TREM1: variants seen among roughly 807,000 people sequenced by gnomAD.
TREM1 encodes the protein triggering receptor expressed on monocytes 1.
In TREM1, 16 loss-of-function variants were observed where a neutral mutation model predicts 22.4. The ratio of observed to expected loss-of-function variants is 0.71; its 90% confidence interval spans 0.48 to 1.08. TREM1 has a LOEUF of 1.08. TREM1 is among the 50% of genes least tolerant of loss of function. The probability of loss-of-function intolerance (pLI) is 0.00; values close to 1 mark genes in which losing one functional copy is unlikely to be tolerated. For synonymous variants in TREM1, 110 were observed against 111.6 expected (o/e 0.99, Z 0.09); for missense variants, 283 against 282.9 (o/e 1.00, Z 0.00).
At chr6:41,285,764 T>C (rs946703190) in intron 1 of TREM1, among the ~76,000 whole-genome samples, 1 of 152,154 alleles carries the variant, frequency 6.6e-6, no homozygotes, top group Non-Finnish European at 1.5e-5. Context: ...CTTCTGCCCA[T>C]CTAGATTATC....
chr6:41,285,218 A>G (rs1768109307), intron 1 of TREM1, among the ~76,000 whole-genome samples: 1 of 152,342 alleles, frequency 6.6e-6, no homozygotes, highest in Admixed American at 6.5e-5. Flanking sequence ...ACAATAAGAA[A>G]TGAAGGCTGC....
At chr6:41,282,825 G>T in intron 1 of TREM1, 74 bp from the exon 2 acceptor site, 1 of 1,360,418 alleles carries the variant, frequency 7.4e-7, no homozygotes, top group Non-Finnish European at 1.0e-6. Context: ...AAGGAGAGGA[G>T]CCCCCTGTTT....
At chr6:41,285,405 T>G (rs1387188273) in intron 1 of TREM1, among the ~76,000 whole-genome samples, 1 of 152,210 alleles carries the variant, frequency 6.6e-6, no homozygotes, top group Non-Finnish European at 1.5e-5. Context: ...ATAAGGAAAC[T>G]GAGGCACAGA....
chr6:41,267,566 A>C (rs1181974362), downstream of TREM1, among the ~76,000 whole-genome samples: 1 of 152,184 alleles, frequency 6.6e-6, no homozygotes, highest in East Asian at 1.9e-4. Context: ...TAGGCAGTGC[A>C]GCTCAGGATG....
At chr6:41,286,261 C>T (rs760442935) in intron 1 of TREM1, among the ~76,000 whole-genome samples, 2 of 152,166 alleles carry the variant, frequency 1.3e-5, no homozygotes, top group African/African-American at 2.4e-5. Flanking sequence ...TTGTCAACAT[C>T]AAACACATCA....
intron 3 of TREM1, 200 bp downstream of exon 3, chr6:41,280,761 G>A: frequency 2.1e-6 from 3 of 1,446,604 alleles, no homozygotes; most frequent in Non-Finnish European, 2.7e-6. Context: ...TGGGGAGAAG[G>A]ACAGCCTGGC....
In TREM1 at chr6:41,275,084, C is replaced by G. The variant is rs1181167866; in HGVS notation, c.*1041G>C. The G allele has an allele frequency of 6.6e-6, 1 of 151,990 alleles. No individual in the cohort carries two copies. The highest frequency in any genetic ancestry group is 1.9e-4 in the East Asian group (1 of 5,140). 9.4% of individuals were successfully genotyped at this position (151,990 alleles called of 1,614,324 possible). ...TCTCTGTGGTGGCCTGAACACCTAC[C>G]TGCTTCACCGGGGAGGGCACTGGAG... On this transcript the variant is annotated 3_prime_UTR_variant, in exon 4 of 4. Transcript: ENST00000244709.
At chr6:41,286,177 A>G (rs3789205) in intron 1 of TREM1, among the ~76,000 whole-genome samples, 14,784 of 152,230 alleles carry the variant, frequency 0.097, 890 homozygotes, top group East Asian at 0.31. Context: ...CCTCAGCAGT[A>G]GTATATTTGC....
chr6:41,282,625 C>A lies in TREM1; in HGVS notation c.176G>T (p.Arg59Met), dbSNP rs1040564570. ...ASSQKAWQII[R>M]DGEMPKTLAC... is the part of the protein sequence containing the mutation. ...CAGGGTCTTGGGCATCTCTCCGTCC[C>A]TTATTATCTGCCAAGCTTTCTGGCT... is the stretch of plus-strand genomic sequence containing the variant. Residue 59 changes from arginine (R) to methionine (M), a missense_variant, in exon 2 of 4, where the codon AGG (arginine) becomes ATG (methionine). Physicochemically the swap from Arg to Met is moderately conservative, Grantham distance 91 (BLOSUM62 -1). Transcript: ENST00000244709. 6 of 1,614,088 alleles carry A rather than the reference C, an allele frequency of 3.7e-6. No individual in the cohort carries two copies. Among genetic ancestry groups the A allele is most frequent in the Non-Finnish European group, 5.1e-6 (6 of 1,180,058 alleles).
At chr6:41,283,673 C>T (rs1312699942) in intron 1 of TREM1, among the ~76,000 whole-genome samples, 2 of 151,686 alleles carry the variant, frequency 1.3e-5, no homozygotes, top group African/African-American at 4.9e-5. Context: ...GATCACAACA[C>T]TGCACTCCAG....
chr6:41,274,453 G>T lies in TREM1; in HGVS notation c.*1672C>A, dbSNP rs1353952982. On this transcript the variant is annotated 3_prime_UTR_variant, in exon 4 of 4. Coordinates refer to ENST00000244709, the MANE Select transcript of TREM1 (RefSeq NM_018643.5). Reference sequence around the variant, plus strand: ...CAACTTCATAAACAGGAACAATGCTGGGATTGCTAAAGTGTGGGGTTCCAG... The same window carrying T: ...CAACTTCATAAACAGGAACAATGCTTGGATTGCTAAAGTGTGGGGTTCCAG... 6.6e-6 allele frequency among the ~76,000 whole-genome samples: 1 copy of T among 152,108 alleles called. No homozygotes were observed. The highest frequency in any genetic ancestry group is 2.4e-5 in the African/African-American group (1 of 41,416).
chr6:41,281,279 G>A (rs1000670699), intron 2 of TREM1, 126 bp from the exon 3 acceptor site: 45 of 1,119,708 alleles, frequency 4.0e-5, no homozygotes, highest in African/African-American at 1.9e-4. Context: ...TAGGTGGTAC[G>A]GTAAATGAAG....
intron 3 of TREM1, chr6:41,279,666 A>G (rs959567498): frequency 1.0e-6 from 1 of 985,472 alleles, no homozygotes; most frequent in East Asian, 1.1e-4. Context: ...AAATTAGAGC[A>G]GGCACCAGTT....
chr6:41,281,357 G>A (rs535052303), intron 2 of TREM1: 101 of 567,188 alleles, frequency 1.8e-4, no homozygotes, highest in Non-Finnish European at 2.7e-4. Context: ...AAATACTGTG[G>A]AGTCAACCTG....
downstream of TREM1, among the ~76,000 whole-genome samples, chr6:41,270,446 AATATATATATATATATAT>A (rs68021402): frequency 1.7e-4 from 25 of 144,076 alleles, 1 homozygote; most frequent in South Asian, 1.3e-3. Context: ...GATATTATAT[AATATATATATATATATAT>A]ATATATATAT....
chr6:41,268,488 C>T (rs754738403), intron 3 of TREM1, among the ~76,000 whole-genome samples: 7 of 152,272 alleles, frequency 4.6e-5, no homozygotes, highest in Non-Finnish European at 7.3e-5. Flanking sequence ...AAGGACCAAG[C>T]CATCCACTGG....
downstream of TREM1, among the ~76,000 whole-genome samples, chr6:41,270,446 A>ATATATAT (rs1325572554): frequency 7.6e-5 from 11 of 144,004 alleles, no homozygotes; most frequent in African/African-American, 2.8e-4. Flanking sequence ...GATATTATAT[A>ATATATAT]ATATATATAT....
At chr6:41,268,545 T>C (rs1397952779) in intron 3 of TREM1, among the ~76,000 whole-genome samples, 1 of 152,212 alleles carries the variant, frequency 6.6e-6, no homozygotes, top group Non-Finnish European at 1.5e-5. Context: ...TAGGCCTTTA[T>C]TTCCCTGAAC....
chr6:41,268,785 C>A (rs996414845), downstream of TREM1, among the ~76,000 whole-genome samples: 1 of 152,112 alleles, frequency 6.6e-6, no homozygotes, highest in Non-Finnish European at 1.5e-5. Flanking sequence ...AACAAAGAGG[C>A]AATAAGACCA....
Sources: gnomAD v4.1 joint callset for allele counts (sites outside exome capture counted in the v4.1 genomes callset) on GRCh38, gnomAD v4.1.1 for gene constraint, MANE v1.5 for transcripts, NCBI Gene and HGNC (gene_info 2026-07-23, HGNC 2026-07-21) for gene names.